KDM4B: variants seen among roughly 807,000 people sequenced by gnomAD.
KDM4B encodes the protein lysine demethylase 4B, also known as lysine-specific demethylase 4B.
A neutral mutation model predicts 125.2 loss-of-function variants in KDM4B; 32 were observed. That is an observed-to-expected ratio of 0.26 (90% CI 0.19 to 0.34). KDM4B has a LOEUF of 0.34. Ranked by LOEUF, KDM4B falls within the 10% of genes least tolerant of loss-of-function variation. KDM4B has a pLI of 1.00. For synonymous variants in KDM4B, 721 were observed against 677.9 expected, an observed-to-expected ratio of 1.06 and a Z score of -0.99; for missense variants, 1,190 against 1,577.7, an observed-to-expected ratio of 0.75 and a Z score of 4.16.
At chr19:5,119,979 T>A in intron 11 of KDM4B, 127 bp downstream of exon 11, 2 of 1,224,282 alleles carry the variant, frequency 1.6e-6, no homozygotes, top group Non-Finnish European at 2.2e-6. Context: ...GTGGCTTTCT[T>A]GCCAGGGTGG....
intron 10 of KDM4B, chr19:5,113,764 C>T (rs1022492854): frequency 2.5e-5 from 10 of 402,836 alleles, no homozygotes; most frequent in African/African-American, 6.5e-5. Context: ...CAGTCCCCCG[C>T]GTGGGAACCC....
intron 1 of KDM4B, among the ~76,000 whole-genome samples, chr19:5,008,590 TC>T (rs1478019325): frequency 6.7e-6 from 1 of 149,914 alleles, no homozygotes; most frequent in Non-Finnish European, 1.5e-5. Context: ...TTTTTCTTTT[TC>T]TTTTTTTTTT....
At chr19:5,012,861 G>A (rs2035772912) in intron 1 of KDM4B, among the ~76,000 whole-genome samples, 1 of 152,230 alleles carries the variant, frequency 6.6e-6, no homozygotes, top group East Asian at 1.9e-4. Flanking sequence ...TTCCATTTGT[G>A]CACTGATGGA....
chr19:5,090,495 CCT>C (rs1599599088), intron 9 of KDM4B, among the ~76,000 whole-genome samples: 2 of 51,934 alleles, frequency 3.9e-5, no homozygotes, highest in Non-Finnish European at 8.3e-5. Context: ...TTTCTCTCCC[CCT>C]CTCGCCCCCT....
chr19:5,039,779 C>A, intron 3 of KDM4B, 57 bp from the exon 4 acceptor site: 1 of 1,577,032 alleles, frequency 6.3e-7, no homozygotes, highest in Middle Eastern at 1.7e-4. Flanking sequence ...ACAGTCTGCT[C>A]TCTGGCCCTG....
rs59921005 is a variant in KDM4B at position 5,152,116 on chromosome 19, G to GT, written c.*605_*606insT. The GT allele has an allele frequency of 9.4e-4, 61 of 64,682 alleles. No individual in the cohort carries two copies. Among genetic ancestry groups the GT allele is most frequent in the African/African-American group, 3.4e-3 (54 of 15,736 alleles). The allele number at this position is 64,682 out of a possible 1,614,324, so 4.0% of individuals were successfully genotyped here. On this transcript the variant is annotated 3_prime_UTR_variant, in exon 23 of 23. Transcript: ENST00000159111. ...TAATTGGAGGGTGAGCCTCGGGGGGGGGGCAGGACGCCCCGGTTTCGGCAC... is the reference window on the plus strand; with the variant it reads ...TAATTGGAGGGTGAGCCTCGGGGGGGTGGGCAGGACGCCCCGGTTTCGGCAC...
intron 17 of KDM4B, 90 bp from the exon 18 acceptor site, chr19:5,137,872 C>T (rs549411570): frequency 8.1e-7 from 1 of 1,228,606 alleles, no homozygotes; most frequent in Non-Finnish European, 1.1e-6. Flanking sequence ...CAGGCCCTGA[C>T]CCAGCCGACA....
chr19:5,004,491 G>A (rs1349520063), intron 1 of KDM4B, among the ~76,000 whole-genome samples: 1 of 152,166 alleles, frequency 6.6e-6, no homozygotes, highest in Non-Finnish European at 1.5e-5. Context: ...ACCCCAGCCC[G>A]GCAGCTTCCT....
chr19:5,070,990 G>T lies in KDM4B; in HGVS notation c.627-20G>T, dbSNP rs201355399. On this transcript the variant is annotated intron_variant, in intron 6 of 22. Transcript: ENST00000159111. ...GGCTGCCACCGATCTTGCCTCTGAC[G>T]TGCCTCCCTTCTCTCGCAGGTACGC... 103 of 1,613,482 alleles carry T rather than the reference G, an allele frequency of 6.4e-5. No individual in the cohort carries two copies. In the East Asian group the frequency reaches 2.0e-3, roughly 32 times the overall value.
At chr19:5,026,124 A>G (rs2036270367) in intron 2 of KDM4B, among the ~76,000 whole-genome samples, 2 of 151,736 alleles carry the variant, frequency 1.3e-5, no homozygotes, top group Admixed American at 1.3e-4. Context: ...GAAGAAACCC[A>G]GGGACAGGGC....
intron 6 of KDM4B, among the ~76,000 whole-genome samples, chr19:5,062,137 T>A (rs2037621380): frequency 6.6e-6 from 1 of 152,174 alleles, no homozygotes; most frequent in South Asian, 2.1e-4. Context: ...CCCTGTAATC[T>A]CTCCCTCCCA....
intron 9 of KDM4B, among the ~76,000 whole-genome samples, chr19:5,097,376 G>A (rs559525462): frequency 1.9e-4 from 29 of 152,202 alleles, no homozygotes; most frequent in African/African-American, 6.3e-4. Context: ...TCAGCCTCCC[G>A]GGTAGCTGGG....
chr19:5,101,886 C>T lies in KDM4B; in HGVS notation c.919-8736C>T, dbSNP rs372755611. On this transcript the variant is annotated intron_variant, in intron 9 of 22. Coordinates refer to ENST00000159111, the MANE Select transcript of KDM4B (RefSeq NM_015015.3). Reference sequence around the variant, plus strand: ...AGCCCTCCAGCCTCCTGCCTGGGCTCCTAAGGGTGTCACCCACATCCTCCA... The same window carrying T: ...AGCCCTCCAGCCTCCTGCCTGGGCTTCTAAGGGTGTCACCCACATCCTCCA... Among the ~76,000 whole-genome samples the T allele has an allele frequency of 5.7e-4, 87 of 152,302 alleles. 1 individual carries two copies. The South Asian group carries it at 6.0e-3, about 11-fold the overall frequency.
chr19:5,136,183 C>T (rs376274219), intron 15 of KDM4B, among the ~76,000 whole-genome samples: 1 of 152,176 alleles, frequency 6.6e-6, no homozygotes, highest in Non-Finnish European at 1.5e-5. Context: ...CTCAGGCAGC[C>T]GCTACGCCTG....
chr19:5,135,986 G>C (rs1211641177), intron 15 of KDM4B, among the ~76,000 whole-genome samples: 4 of 152,264 alleles, frequency 2.6e-5, no homozygotes, highest in African/African-American at 4.8e-5. Flanking sequence ...TAGGGCCAGA[G>C]CAAGAAATGG....
intron 1 of KDM4B, among the ~76,000 whole-genome samples, chr19:4,996,734 CTTGT>C (rs2145408467): frequency 6.6e-6 from 1 of 152,262 alleles, no homozygotes; most frequent in South Asian, 2.1e-4. Flanking sequence ...CGTGCTGGTT[CTTGT>C]TTGAGTTGCC....
At chr19:5,068,612 C>T (rs1287915124) in intron 6 of KDM4B, among the ~76,000 whole-genome samples, 1 of 152,244 alleles carries the variant, frequency 6.6e-6, no homozygotes, top group African/African-American at 2.4e-5. Context: ...GGTCTGCCAG[C>T]ATCAGGTCTT....
At chr19:5,087,604 C>T (rs2038547735) in intron 9 of KDM4B, among the ~76,000 whole-genome samples, 2 of 152,322 alleles carry the variant, frequency 1.3e-5, no homozygotes, top group Non-Finnish European at 2.9e-5. Context: ...TTTTGACTCC[C>T]CTGCTGGTGT....
At chr19:5,104,133 C>T (rs1342408612) in intron 9 of KDM4B, among the ~76,000 whole-genome samples, 1 of 152,202 alleles carries the variant, frequency 6.6e-6, no homozygotes, top group Non-Finnish European at 1.5e-5. Context: ...ATGAGTCCCG[C>T]TGGCAGGACC....
Sources: allele counts gnomAD v4.1 joint callset (sites outside exome capture counted in the v4.1 genomes callset), GRCh38; gene constraint gnomAD v4.1.1; transcripts MANE v1.5; gene names NCBI Gene and HGNC (gene_info 2026-07-23, HGNC 2026-07-21).